LRIG1: variants seen among roughly 807,000 people sequenced by gnomAD.
LRIG1 encodes the protein leucine rich repeats and immunoglobulin like domains 1.
A neutral mutation model predicts 99.2 loss-of-function variants in LRIG1; 48 were observed. The ratio of observed to expected loss-of-function variants is 0.48; its 90% confidence interval spans 0.38 to 0.62. The LOEUF is 0.62. Ranked by LOEUF, LRIG1 falls within the 20% of genes least tolerant of loss-of-function variation. LRIG1 has a pLI of 0.00. For missense variants in LRIG1, 1,646 were observed against 1,434.4 expected (o/e 1.15, Z -2.38); for synonymous variants, 772 against 596.1 (o/e 1.29, Z -4.30).
chr3:66,487,641 T>C (rs1050071696), intron 1 of LRIG1, among the ~76,000 whole-genome samples: 5 of 152,086 alleles, frequency 3.3e-5, no homozygotes, highest in African/African-American at 9.7e-5. Context: ...CCTAATCAGA[T>C]AGACTCAGAG....
At chr3:66,405,834 G>A in intron 8 of LRIG1, 9 of 1,137,732 alleles carry the variant, frequency 7.9e-6, no homozygotes, top group Non-Finnish European at 9.9e-6. Context: ...GGACATCTGG[G>A]TGCTGAGTCA....
At position 66,462,528 on chromosome 3, in the gene LRIG1, G is replaced by A. The variant is rs776047756; in HGVS notation, c.219-19C>T. On this transcript the variant is annotated intron_variant, in intron 1 of 18. Coordinates refer to ENST00000273261, the MANE Select transcript of LRIG1 (RefSeq NM_015541.3). Reference sequence around the variant, plus strand: ...CAGGTTTCTGGTAAAGACAGAGAGAGAAAAAAACGGAATCAACAACCTGGC... The same window carrying A: ...CAGGTTTCTGGTAAAGACAGAGAGAAAAAAAAACGGAATCAACAACCTGGC... The A allele has an allele frequency of 7.0e-5, 110 of 1,565,454 alleles. 1 individual carries two copies. The highest frequency in any genetic ancestry group is 9.3e-5 in the Non-Finnish European group (106 of 1,139,628).
chr3:66,489,438 C>T (rs895885210), intron 1 of LRIG1, among the ~76,000 whole-genome samples: 3 of 152,170 alleles, frequency 2.0e-5, no homozygotes, highest in African/African-American at 7.2e-5. Context: ...AGGAGGATCA[C>T]TTGAGCCTGG....
chr3:66,473,515 C>G (rs1271567918), intron 1 of LRIG1, among the ~76,000 whole-genome samples: 3 of 152,228 alleles, frequency 2.0e-5, no homozygotes, highest in Non-Finnish European at 4.4e-5. Context: ...TCCATGCTTA[C>G]TTGCATTTGC....
At chr3:66,493,793 CGAAAGAAAGAAAAGAAA>C (rs1701158401) in intron 1 of LRIG1, among the ~76,000 whole-genome samples, 8 of 123,638 alleles carry the variant, frequency 6.5e-5, no homozygotes, top group Middle Eastern at 5.9e-3. Flanking sequence ...GAAACCCTGT[CGAAAGAAAGAAAAGAAA>C]GAAAGAAAGG....
At chr3:66,474,474 T>G (rs1700673075) in intron 1 of LRIG1, among the ~76,000 whole-genome samples, 1 of 152,026 alleles carries the variant, frequency 6.6e-6, no homozygotes, top group Non-Finnish European at 1.5e-5. Flanking sequence ...GCCTCCTGAA[T>G]AGCTGGGATT....
At chr3:66,384,937 G>C (rs1374203283) in intron 13 of LRIG1, among the ~76,000 whole-genome samples, 1 of 152,192 alleles carries the variant, frequency 6.6e-6, no homozygotes, top group Non-Finnish European at 1.5e-5. Context: ...TCTTTCGGAA[G>C]CTGTGAGGAC....
intron 3 of LRIG1, among the ~76,000 whole-genome samples, chr3:66,437,515 C>G (rs1703400334): frequency 6.6e-6 from 1 of 152,180 alleles, no homozygotes. Flanking sequence ...GAGAGCCACG[C>G]CCTCCAGCAC....
chr3:66,462,068 A>C (rs1309065838), intron 2 of LRIG1, among the ~76,000 whole-genome samples: 1 of 152,176 alleles, frequency 6.6e-6, no homozygotes, highest in African/African-American at 2.4e-5. Context: ...ACACGGCAAA[A>C]TCTCATCTCT....
At chr3:66,492,536 C>T (rs548410257) in intron 1 of LRIG1, among the ~76,000 whole-genome samples, 7 of 152,034 alleles carry the variant, frequency 4.6e-5, no homozygotes, top group African/African-American at 1.7e-4. Flanking sequence ...CATTTTCTTC[C>T]CAATAATGTG....
Position 66,407,767 on chromosome 3 carries a change from T to C in LRIG1, c.936-276A>G, listed in dbSNP as rs547651585. On this transcript the variant is annotated intron_variant, in intron 7 of 18. Transcript: ENST00000273261. Reference sequence around the variant, plus strand: ...AGGGTGGCTGTTAAACTGTGAAGACTACACACGAGGTCATGACACACAACA... The same window carrying C: ...AGGGTGGCTGTTAAACTGTGAAGACCACACACGAGGTCATGACACACAACA... Among the ~76,000 whole-genome samples, 2 of 152,342 alleles carry C rather than the reference T, an allele frequency of 1.3e-5. 1 individual carries two copies. The highest frequency in any genetic ancestry group is 4.1e-4 in the South Asian group (2 of 4,826).
At chr3:66,480,826 A>C (rs1015921956) in intron 1 of LRIG1, among the ~76,000 whole-genome samples, 1 of 152,226 alleles carries the variant, frequency 6.6e-6, no homozygotes, top group Admixed American at 6.5e-5. Context: ...CCCAGTGGCC[A>C]TTCAAAAATT....
intron 3 of LRIG1, 95 bp from the exon 4 acceptor site, chr3:66,417,361 C>T: frequency 2.3e-6 from 3 of 1,284,282 alleles, no homozygotes; most frequent in Non-Finnish European, 3.3e-6. Context: ...ACCAATATAA[C>T]TACAATGCAG....
intron 3 of LRIG1, among the ~76,000 whole-genome samples, chr3:66,447,773 C>A (rs1703776143): frequency 6.6e-6 from 1 of 152,168 alleles, no homozygotes; most frequent in African/African-American, 2.4e-5. Context: ...CTCGACAGTA[C>A]AAGTGCAGCA....
intron 3 of LRIG1, among the ~76,000 whole-genome samples, chr3:66,427,783 C>T (rs577316470): frequency 6.6e-6 from 1 of 152,306 alleles, no homozygotes; most frequent in South Asian, 2.1e-4. Context: ...AAGCCTCCCT[C>T]CTCCTGTCTC....
Position 66,481,680 on chromosome 3 carries a change from C to T in LRIG1, c.218+18510G>A, listed in dbSNP as rs536129951. 1.7e-4 allele frequency among the ~76,000 whole-genome samples: 26 copies of T among 152,338 alleles called. 1 individual carries two copies. The highest frequency in any genetic ancestry group is 6.0e-4 in the African/African-American group (25 of 41,580). On this transcript the variant is annotated intron_variant, in intron 1 of 18. Coordinates refer to ENST00000273261, the MANE Select transcript of LRIG1 (RefSeq NM_015541.3). The stretch of plus-strand genomic sequence containing the variant: ...TTTCTTTCCCTTAATCCTTTCAATA[C>T]CAAATTACTCCTTACCTTTAAAACC...
intron 8 of LRIG1, among the ~76,000 whole-genome samples, chr3:66,406,581 A>G (rs540660192): frequency 4.6e-5 from 7 of 152,254 alleles, no homozygotes; most frequent in Admixed American, 3.3e-4. Context: ...TACGCCTGAG[A>G]AGGAGACCCT....
intron 12 of LRIG1, among the ~76,000 whole-genome samples, chr3:66,393,706 T>G (rs1256242792): frequency 1.3e-5 from 2 of 152,234 alleles, no homozygotes; most frequent in African/African-American, 4.8e-5. Context: ...AACGCCAGCC[T>G]CGTACGCGGA....
chr3:66,380,435 T>C lies in LRIG1; in HGVS notation c.3110A>G (p.Gln1037Arg). The change falls in exon 19 of 19, where the codon CAG (glutamine) becomes CGG (arginine). Residue 1037 changes from glutamine (Q) to arginine (R), a missense_variant. Coordinates refer to ENST00000273261, the MANE Select transcript of LRIG1 (RefSeq NM_015541.3). ...GCCTGAAGTTAATGAAGATGCAGGC[T>C]GTAGCTCTGTGGAGTCCGGGTGATA... Reference protein sequence around the residue: ...RLYHPDSTELQPASSLTSGSP... With the variant: ...RLYHPDSTELRPASSLTSGSP... 6.2e-7 allele frequency: 1 copy of C among 1,614,204 alleles called. No individual in the cohort carries two copies.
Sources: gnomAD v4.1 joint callset for allele counts (sites outside exome capture counted in the v4.1 genomes callset) on GRCh38, gnomAD v4.1.1 for gene constraint, MANE v1.5 for transcripts, NCBI Gene and HGNC (gene_info 2026-07-23, HGNC 2026-07-21) for gene names.